The following ATG10 variants were observed in gnomAD, a reference collection of about 807,000 sequenced individuals.
ATG10 encodes the protein autophagy related 10.
Under a neutral mutation model 32.1 loss-of-function variants are expected in ATG10, and 30 were observed. That is an observed-to-expected ratio of 0.94 (90% CI 0.70 to 1.27). The LOEUF (loss-of-function observed/expected upper bound fraction) is 1.27. Among genes scored for constraint, ATG10 ranks in the 50% most tolerant of loss-of-function variants. ATG10 has a pLI of 0.00. For missense variants in ATG10, 233 were observed against 262.3 expected (o/e 0.89, Z 0.77); for synonymous variants, 87 against 91.5 (o/e 0.95, Z 0.28).
At position 82,253,370 on chromosome 5, in the gene ATG10, A is replaced by G; in HGVS notation, c.608A>G (p.Asn203Ser). ...ATTGTAGGGCCAGTTGTTGGGCTGA[A>G]TCTACCTCTGAGTTATGCCAAAGCA... Reference protein sequence around the residue: ...LSIVGPVVGLNLPLSYAKATS... With the variant: ...LSIVGPVVGLSLPLSYAKATS... The change falls in exon 7 of 8, where the codon AAT (asparagine) becomes AGT (serine). Residue 203 changes from asparagine (N) to serine (S), a missense_variant. By Grantham distance (46) the Asn-to-Ser change is conservative. Transcript: ENST00000282185. 1 of 1,613,492 alleles carries G rather than the reference A, an allele frequency of 6.2e-7. No homozygotes were observed. Among genetic ancestry groups the G allele is most frequent in the East Asian group, 2.2e-5 (1 of 44,870 alleles).
At chr5:82,015,403 A>G (rs1294446954) in intron 2 of ATG10, among the ~76,000 whole-genome samples, 1 of 152,152 alleles carries the variant, frequency 6.6e-6, no homozygotes, top group Non-Finnish European at 1.5e-5. Context: ...GTTCTCCTGG[A>G]TAATATCCTG....
intron 2 of ATG10, among the ~76,000 whole-genome samples, chr5:82,031,667 A>G (rs1268501724): frequency 6.6e-6 from 1 of 152,242 alleles, no homozygotes; most frequent in African/African-American, 2.4e-5. Context: ...CCACCTTGGG[A>G]AGGTCTGCGA....
In ATG10 at chr5:82,253,336, T is replaced by A; in HGVS notation, c.574T>A (p.Trp192Arg). 8 of 1,612,648 alleles carry A rather than the reference T, an allele frequency of 5.0e-6. No homozygotes were observed. The highest frequency in any genetic ancestry group is 5.9e-6 in the Non-Finnish European group (7 of 1,178,586). Reference sequence around the variant, plus strand: ...TAGGAATGTCAACTATATCACATCATGGCTGAGCATTGTAGGGCCAGTTGT... The same window carrying A: ...TAGGAATGTCAACTATATCACATCAAGGCTGAGCATTGTAGGGCCAGTTGT... ...INKNVNYITS[W>R]LSIVGPVVGL... The change falls in exon 7 of 8, where the codon TGG (tryptophan) becomes AGG (arginine). Residue 192 changes from tryptophan (W) to arginine (R), a missense_variant. Physicochemically the swap from Trp to Arg is moderately radical, Grantham distance 101 (BLOSUM62 -3). Transcript: ENST00000282185.
chr5:82,054,452 T>A (rs1763525173), intron 2 of ATG10, among the ~76,000 whole-genome samples: 4 of 152,168 alleles, frequency 2.6e-5, no homozygotes, highest in Admixed American at 2.6e-4. Context: ...GGCTTGAGTT[T>A]GTTACTTGAA....
chr5:82,051,588 A>G (rs1763426063), intron 2 of ATG10, among the ~76,000 whole-genome samples: 1 of 152,154 alleles, frequency 6.6e-6, no homozygotes, highest in South Asian at 2.1e-4. Flanking sequence ...CACTCTTTAT[A>G]CAAAGTTACC....
intron 5 of ATG10, among the ~76,000 whole-genome samples, chr5:82,189,956 C>T (rs962049670): frequency 6.6e-6 from 1 of 151,992 alleles, no homozygotes; most frequent in Non-Finnish European, 1.5e-5. Context: ...AGACTGGATA[C>T]TTGCTCCATA....
At chr5:82,124,050 T>G (rs913923569) in intron 3 of ATG10, among the ~76,000 whole-genome samples, 1 of 151,520 alleles carries the variant, frequency 6.6e-6, no homozygotes, top group Non-Finnish European at 1.5e-5. Flanking sequence ...CTACTTTTTG[T>G]TTTTTTCCAC....
intron 3 of ATG10, among the ~76,000 whole-genome samples, chr5:82,123,672 G>C (rs1766136020): frequency 6.8e-6 from 1 of 146,660 alleles, no homozygotes; most frequent in Non-Finnish European, 1.5e-5. Context: ...GCTTACGCCT[G>C]TAATCCCAGC....
intron 3 of ATG10, among the ~76,000 whole-genome samples, chr5:82,099,718 AAT>A (rs1765195379): frequency 6.6e-6 from 1 of 152,146 alleles, no homozygotes; most frequent in African/African-American, 2.4e-5. Flanking sequence ...ATTAATCATA[AAT>A]ATGTTTTTAC....
At chr5:81,983,722 C>T (rs1268747667) in intron 1 of ATG10, among the ~76,000 whole-genome samples, 4 of 149,972 alleles carry the variant, frequency 2.7e-5, no homozygotes, top group South Asian at 2.1e-4. Flanking sequence ...GGCTGCCGGG[C>T]GTAGGGGCTT....
chr5:82,102,146 T>A (rs1765296025), intron 3 of ATG10, among the ~76,000 whole-genome samples: 1 of 152,220 alleles, frequency 6.6e-6, no homozygotes, highest in Admixed American at 6.5e-5. Flanking sequence ...AGTATAGCTG[T>A]GACATAGATA....
chr5:82,153,489 G>C (rs999861239), intron 3 of ATG10, among the ~76,000 whole-genome samples: 2 of 152,104 alleles, frequency 1.3e-5, no homozygotes, highest in Non-Finnish European at 2.9e-5. Context: ...GAGGTGACAG[G>C]GGTGACAGAT....
intron 3 of ATG10, among the ~76,000 whole-genome samples, chr5:82,109,002 G>T (rs547151139): frequency 6.6e-6 from 1 of 152,120 alleles, no homozygotes; most frequent in South Asian, 2.1e-4. Context: ...CCGAAGAAAA[G>T]TCAGAGCTAC....
intron 2 of ATG10, among the ~76,000 whole-genome samples, chr5:81,990,254 G>A (rs1324733070): frequency 6.6e-6 from 1 of 152,076 alleles, no homozygotes; most frequent in African/African-American, 2.4e-5. Context: ...ATGAGTATAG[G>A]TTTCTGACCC....
At chr5:82,064,887 C>T (rs957694873) in intron 3 of ATG10, among the ~76,000 whole-genome samples, 3 of 152,120 alleles carry the variant, frequency 2.0e-5, no homozygotes, top group Admixed American at 1.3e-4. Flanking sequence ...CATTTCAACT[C>T]ATGATATTGA....
chr5:82,153,018 C>G (rs1013335713), intron 3 of ATG10, among the ~76,000 whole-genome samples: 2 of 152,198 alleles, frequency 1.3e-5, no homozygotes, highest in Non-Finnish European at 2.9e-5. Flanking sequence ...GGCAAAAGCC[C>G]TGCCTTCACT....
intron 2 of ATG10, among the ~76,000 whole-genome samples, chr5:82,053,487 T>G (rs1317737430): frequency 6.6e-6 from 1 of 152,110 alleles, no homozygotes; most frequent in East Asian, 1.9e-4. Context: ...TGCCGTAGAA[T>G]TTACCAGTCT....
At chr5:82,212,409 T>C (rs967469496) in intron 5 of ATG10, among the ~76,000 whole-genome samples, 30 of 152,300 alleles carry the variant, frequency 2.0e-4, no homozygotes, top group African/African-American at 7.0e-4. Context: ...ATTCTTCCCA[T>C]TGGTATACAA....
At chr5:81,997,253 G>A (rs2149679664) in intron 2 of ATG10, among the ~76,000 whole-genome samples, 1 of 152,342 alleles carries the variant, frequency 6.6e-6, no homozygotes, top group East Asian at 1.9e-4. Context: ...GGAGTGTTGT[G>A]GCCAGTGGTC....
Sources: gnomAD v4.1 joint callset for allele counts (sites outside exome capture counted in the v4.1 genomes callset) on GRCh38, gnomAD v4.1.1 for gene constraint, MANE v1.5 for transcripts, NCBI Gene and HGNC (gene_info 2026-07-23, HGNC 2026-07-21) for gene names.